MEGF11: variants seen among roughly 807,000 people sequenced by gnomAD.
MEGF11 encodes the protein multiple EGF like domains 11.
Under a neutral mutation model 146.6 loss-of-function variants are expected in MEGF11, and 126 were observed. That is an observed-to-expected ratio of 0.86 (90% CI 0.74 to 1.00). The LOEUF is 1.00. MEGF11 is among the 50% of genes least tolerant of loss of function. The pLI, the probability that MEGF11 is intolerant of heterozygous loss-of-function variation, is 0.00. For missense variants in MEGF11, 1,509 were observed against 1,521.2 expected (o/e 0.99, Z 0.13); for synonymous variants, 532 against 583.4 (o/e 0.91, Z 1.27).
intron 5 of MEGF11, among the ~76,000 whole-genome samples, chr15:66,050,587 T>G (rs189297337): frequency 1.7e-3 from 261 of 152,286 alleles, no homozygotes; most frequent in African/African-American, 5.9e-3. Flanking sequence ...GGGCTTCGGC[T>G]CTTACCCTGA....
intron 5 of MEGF11, among the ~76,000 whole-genome samples, chr15:66,082,486 TATC>T (rs1472619717): frequency 1.4e-4 from 18 of 126,872 alleles, no homozygotes; most frequent in Non-Finnish European, 1.6e-5. Flanking sequence ...TCTATCTATC[TATC>T]TATCTATCTA....
At chr15:65,972,081 A>G (rs946993379) in intron 7 of MEGF11, among the ~76,000 whole-genome samples, 1 of 152,166 alleles carries the variant, frequency 6.6e-6, no homozygotes, top group Non-Finnish European at 1.5e-5. Flanking sequence ...CAAAACATAA[A>G]GTTGAGGAAA....
chr15:66,004,959 T>C (rs958311717), intron 5 of MEGF11, among the ~76,000 whole-genome samples: 1 of 152,172 alleles, frequency 6.6e-6, no homozygotes, highest in African/African-American at 2.4e-5. Context: ...TGGTGGCACA[T>C]GCCTGTAGCC....
chr15:66,212,213 G>C (rs10152285), intron 1 of MEGF11, among the ~76,000 whole-genome samples: 45,402 of 152,014 alleles, frequency 0.3, 7,939 homozygotes, highest in Non-Finnish European at 0.41. Context: ...AACAAGGGAC[G>C]GGTGTCAGGG....
chr15:66,123,817 G>A (rs564554484), intron 3 of MEGF11, 82 bp downstream of exon 3: 12 of 1,077,186 alleles, frequency 1.1e-5, no homozygotes, highest in Middle Eastern at 2.1e-4. Context: ...CTGCTCCAGC[G>A]GCCTTTTTCT....
At chr15:66,192,555 T>C (rs571243096) in intron 1 of MEGF11, among the ~76,000 whole-genome samples, 2 of 151,292 alleles carry the variant, frequency 1.3e-5, no homozygotes, top group African/African-American at 4.8e-5. Flanking sequence ...GAGCCTAGGA[T>C]ATAGGTTTTA....
chr15:65,954,116 G>A (rs1462973237), intron 10 of MEGF11, among the ~76,000 whole-genome samples: 1 of 152,146 alleles, frequency 6.6e-6, no homozygotes, highest in Non-Finnish European at 1.5e-5. Context: ...GCAAGGTAAA[G>A]CGACATGTCC....
At chr15:66,089,844 T>C (rs1049742184) in intron 5 of MEGF11, among the ~76,000 whole-genome samples, 2 of 152,256 alleles carry the variant, frequency 1.3e-5, no homozygotes, top group Non-Finnish European at 2.9e-5. Context: ...TCTTCCTTTT[T>C]ATCTCCACTT....
intron 5 of MEGF11, among the ~76,000 whole-genome samples, chr15:66,025,445 C>A (rs958770036): frequency 1.3e-5 from 2 of 152,108 alleles, no homozygotes; most frequent in African/African-American, 4.8e-5. Context: ...AAGGGAGGGA[C>A]TTGAGGCGAG....
At chr15:66,031,172 C>G (rs1268080580) in intron 5 of MEGF11, among the ~76,000 whole-genome samples, 1 of 152,172 alleles carries the variant, frequency 6.6e-6, no homozygotes, top group Non-Finnish European at 1.5e-5. Flanking sequence ...CTGTCTTCTA[C>G]CCAAGTAAAG....
At chr15:65,916,637 C>G in intron 17 of MEGF11, 191 bp downstream of exon 17, 1 of 1,029,702 alleles carries the variant, frequency 9.7e-7, no homozygotes, top group South Asian at 1.4e-5. Context: ...GCTTGTCAAT[C>G]CCCTGAATCC....
chr15:66,050,758 G>A (rs1468715521), intron 5 of MEGF11, among the ~76,000 whole-genome samples: 1 of 152,178 alleles, frequency 6.6e-6, no homozygotes, highest in Non-Finnish European at 1.5e-5. Flanking sequence ...GCAGCTCCAG[G>A]GGAGTCCACA....
chr15:65,915,324 C>G, intron 19 of MEGF11, 146 bp downstream of exon 19: 1 of 1,081,964 alleles, frequency 9.2e-7, no homozygotes, highest in East Asian at 2.6e-5. Flanking sequence ...GCACTTGGAG[C>G]CTCTGCAGCC....
intron 5 of MEGF11, among the ~76,000 whole-genome samples, chr15:66,079,320 A>T (rs2085734191): frequency 6.6e-6 from 1 of 152,072 alleles, no homozygotes; most frequent in African/African-American, 2.4e-5. Flanking sequence ...TGAACCCCTA[A>T]CAACTCTAGT....
chr15:66,128,246 A>T, intron 2 of MEGF11, 60 bp downstream of exon 2: 1 of 1,156,404 alleles, frequency 8.6e-7, no homozygotes, highest in Non-Finnish European at 1.2e-6. Flanking sequence ...TCTGTCCCCT[A>T]CTGCCATGCC....
At chr15:65,907,301 T>G (rs2078659163) in intron 23 of MEGF11, among the ~76,000 whole-genome samples, 2 of 147,786 alleles carry the variant, frequency 1.4e-5, no homozygotes, top group African/African-American at 2.4e-5. Context: ...TTTTCTTTTT[T>G]TCTTTTTTTT....
chr15:66,192,525 TAAAA>T (rs2090910038), intron 1 of MEGF11, among the ~76,000 whole-genome samples: 1 of 135,014 alleles, frequency 7.4e-6, no homozygotes, highest in East Asian at 2.1e-4. Flanking sequence ...TAAAATAAAA[TAAAA>T]TAAAATCATC....
At chr15:66,073,773 G>T (rs758898367) in intron 5 of MEGF11, among the ~76,000 whole-genome samples, 1 of 152,144 alleles carries the variant, frequency 6.6e-6, no homozygotes, top group Admixed American at 6.5e-5. Context: ...CCCCTTCCTT[G>T]CTGCCCAACC....
chr15:65,965,338 CCCCCCAGCA>C, intron 8 of MEGF11: 1 of 480,670 alleles, frequency 2.1e-6, no homozygotes, highest in Non-Finnish European at 3.7e-6. Flanking sequence ...TCGGCTCAGT[CCCCCCAGCA>C]ATGAGTTTGT....
Sources: allele counts gnomAD v4.1 joint callset (sites outside exome capture counted in the v4.1 genomes callset), GRCh38; gene constraint gnomAD v4.1.1; transcripts MANE v1.5; gene names NCBI Gene and HGNC (gene_info 2026-07-23, HGNC 2026-07-21).